Variants in EXOC4 observed in about 807,000 individuals in gnomAD.
The protein encoded by EXOC4 is SEC8-like 1.
In EXOC4, 71 loss-of-function variants were observed where a neutral mutation model predicts 107.2. The ratio of observed to expected loss-of-function variants is 0.66; its 90% CI spans 0.55 to 0.81. The LOEUF (loss-of-function observed/expected upper bound fraction) is 0.81, where lower values mean the gene tolerates loss of function less well. Ranked by LOEUF, EXOC4 falls within the 30% of genes least tolerant of loss-of-function variation. EXOC4 has a pLI of 0.00. For synonymous variants in EXOC4, 456 were observed against 441.2 expected (o/e 1.03, Z -0.42); for missense variants, 1,108 against 1,189.6 (o/e 0.93, Z 1.01).
intron 10 of EXOC4, among the ~76,000 whole-genome samples, chr7:133,812,437 C>G (rs567900411): frequency 1.3e-5 from 2 of 152,086 alleles, no homozygotes; most frequent in African/African-American, 4.8e-5. Flanking sequence ...TCTGGAAGCC[C>G]TACTGTAAGT....
chr7:133,371,695 T>C (rs945404495), intron 6 of EXOC4, among the ~76,000 whole-genome samples: 3 of 152,218 alleles, frequency 2.0e-5, no homozygotes, highest in African/African-American at 4.8e-5. Flanking sequence ...GCTAAGGACA[T>C]TTGTGTACAA....
intron 5 of EXOC4, among the ~76,000 whole-genome samples, chr7:133,340,372 G>A (rs916993456): frequency 3.3e-5 from 5 of 150,068 alleles, no homozygotes; most frequent in East Asian, 1.9e-4. Context: ...ACTTGATCAC[G>A]CTGGATTATC....
chr7:133,940,107 A>C (rs1395345649), intron 14 of EXOC4, among the ~76,000 whole-genome samples: 1 of 152,162 alleles, frequency 6.6e-6, no homozygotes, highest in Non-Finnish European at 1.5e-5. Flanking sequence ...TTAATGCTAC[A>C]ATCTCTTATT....
chr7:133,839,808 G>T (rs1797988508), intron 11 of EXOC4, among the ~76,000 whole-genome samples: 1 of 152,154 alleles, frequency 6.6e-6, no homozygotes, highest in African/African-American at 2.4e-5. Flanking sequence ...TATTACACTT[G>T]AAAGTTTCTA....
the EXOC4 span, among the ~76,000 whole-genome samples, chr7:134,083,893 G>A: frequency 6.6e-6 from 1 of 152,216 alleles, no homozygotes; most frequent in African/African-American, 2.4e-5. Flanking sequence ...GGCAAGGTCT[G>A]ATGCATACAT....
the EXOC4 span, among the ~76,000 whole-genome samples, chr7:134,084,172 G>A: frequency 3.2e-4 from 48 of 152,298 alleles, 1 homozygote; most frequent in Middle Eastern, 3.4e-3. Context: ...AGTTTCTACT[G>A]ATCAGTTATC....
intron 11 of EXOC4, among the ~76,000 whole-genome samples, chr7:133,820,874 GA>G (rs1387279218): frequency 6.6e-6 from 1 of 152,186 alleles, no homozygotes; most frequent in African/African-American, 2.4e-5. Context: ...TTGTCCCTCT[GA>G]AGTGGCATCT....
At chr7:133,413,957 C>T (rs1459301153) in intron 7 of EXOC4, among the ~76,000 whole-genome samples, 1 of 152,076 alleles carries the variant, frequency 6.6e-6, no homozygotes, top group Admixed American at 6.6e-5. Flanking sequence ...ATAAAAATCA[C>T]AAGCCCTAAA....
At chr7:133,902,589 C>T (rs537276586) in intron 12 of EXOC4, among the ~76,000 whole-genome samples, 1 of 152,196 alleles carries the variant, frequency 6.6e-6, no homozygotes, top group Admixed American at 6.5e-5. Flanking sequence ...CGCAGTGGCT[C>T]ACACCTGTAG....
In EXOC4 at chr7:133,817,102, C is replaced by T. The variant is rs114550363; in HGVS notation, c.1515-223C>T. Among the ~76,000 whole-genome samples the T allele has an allele frequency of 2.4e-3, 361 of 151,858 alleles. 5 individuals are homozygous for T. Among genetic ancestry groups the T allele is most frequent in the African/African-American group, 8.1e-3 (337 of 41,390 alleles). The stretch of plus-strand genomic sequence containing the variant: ...AAATAATTTTTGTCTTCTCCTTTTC[C>T]CCCCATTTTTAGAAGTCATGTTTTC... On this transcript the variant is annotated intron_variant, in intron 10 of 17. Transcript: ENST00000253861.
chr7:133,284,844 T>C (rs1270336646), intron 2 of EXOC4, among the ~76,000 whole-genome samples: 2 of 152,138 alleles, frequency 1.3e-5, no homozygotes, highest in Non-Finnish European at 2.9e-5. Context: ...CTGAGAGATA[T>C]GTTTAAAAGT....
chr7:133,975,451 A>G (rs1369200594), intron 14 of EXOC4, among the ~76,000 whole-genome samples: 2 of 152,200 alleles, frequency 1.3e-5, no homozygotes, highest in African/African-American at 4.8e-5. Flanking sequence ...AATTCATGGG[A>G]AAGTAAAAAT....
intron 3 of EXOC4, among the ~76,000 whole-genome samples, chr7:133,298,545 G>A (rs1005968285): frequency 1.3e-5 from 2 of 152,070 alleles, no homozygotes; most frequent in African/African-American, 4.8e-5. Context: ...GAGCACTGAT[G>A]GGAACTGGGA....
At chr7:133,566,921 C>T (rs1447544540) in intron 9 of EXOC4, among the ~76,000 whole-genome samples, 1 of 151,994 alleles carries the variant, frequency 6.6e-6, no homozygotes, top group Non-Finnish European at 1.5e-5. Flanking sequence ...AACAATGAAC[C>T]TGGACACATA....
chr7:133,817,639 C>G (rs1797404862), intron 11 of EXOC4, 95 bp downstream of exon 11: 1 of 867,594 alleles, frequency 1.2e-6, no homozygotes, highest in African/African-American at 1.7e-5. Context: ...CCATCTGTTT[C>G]CATATTCATC....
At chr7:133,454,075 C>A (rs948727641) in intron 7 of EXOC4, among the ~76,000 whole-genome samples, 1 of 152,128 alleles carries the variant, frequency 6.6e-6, no homozygotes, top group Non-Finnish European at 1.5e-5. Context: ...ATTCAGATTG[C>A]TTTTAATTGT....
intron 3 of EXOC4, among the ~76,000 whole-genome samples, chr7:133,299,013 G>GA (rs1195533301): frequency 6.6e-6 from 1 of 152,020 alleles, no homozygotes; most frequent in Non-Finnish European, 1.5e-5. Context: ...TTGCCAAATG[G>GA]AAAAAACATG....
chr7:133,470,128 A>T (rs1305028526), intron 7 of EXOC4, among the ~76,000 whole-genome samples: 2 of 152,200 alleles, frequency 1.3e-5, no homozygotes, highest in Non-Finnish European at 2.9e-5. Flanking sequence ...GATCTACCAC[A>T]TCAAATACCT....
At chr7:134,036,795 CAG>C (rs1365414585) in intron 17 of EXOC4, among the ~76,000 whole-genome samples, 1 of 152,164 alleles carries the variant, frequency 6.6e-6, no homozygotes, top group Non-Finnish European at 1.5e-5. Flanking sequence ...GAGGTGGAAA[CAG>C]AATGCAAACT....
Sources: gnomAD v4.1 joint callset for allele counts (sites outside exome capture counted in the v4.1 genomes callset) on GRCh38, gnomAD v4.1.1 for gene constraint, MANE v1.5 for transcripts, NCBI Gene and HGNC (gene_info 2026-07-23, HGNC 2026-07-21) for gene names.